The following SMARCAL1 variants were observed in gnomAD, a reference collection of about 807,000 sequenced individuals.
SMARCAL1 encodes SNF2 related chromatin remodeling annealing helicase 1.
In SMARCAL1, 58 loss-of-function variants were observed where a neutral mutation model predicts 94.5. The ratio of observed to expected loss-of-function variants is 0.61; its 90% CI spans 0.50 to 0.76. SMARCAL1 has a LOEUF of 0.76. Among genes scored for constraint, SMARCAL1 ranks in the 30% least tolerant of loss-of-function variants. The probability of loss-of-function intolerance (pLI) is 0.00; values close to 1 mark genes in which losing one functional copy is unlikely to be tolerated. For missense variants in SMARCAL1, 1,051 were observed against 1,177.9 expected (o/e 0.89, Z 1.58); for synonymous variants, 422 against 455.1 (o/e 0.93, Z 0.93).
chr2:216,482,927 A>C lies in SMARCAL1; in HGVS notation c.2815A>C (p.Arg939=). 4 of 1,614,226 alleles carry C rather than the reference A, an allele frequency of 2.5e-6. No homozygotes were observed. Among genetic ancestry groups the C allele is most frequent in the Non-Finnish European group, 3.4e-6 (4 of 1,180,024 alleles). Residue 939 remains arginine (R), a synonymous_variant, in exon 18 of 18, where the codon AGG becomes CGG. Transcript: ENST00000357276. This position sits in a 1 kb window ranked among gnomAD's most constrained non-coding sequence, Gnocchi z 4.3. ...ATTGACAGCCAGTCCACAGAAGAAA[A>C]GGAGATTTGAATTTTTTGATAACTG... ...SSLTASPQKK[R]RFEFFDNWDS...
rs530665453 is a variant in SMARCAL1, at chr2:216,421,902, G to C, written c.1096+1370G>C. 3.3e-5 allele frequency among the ~76,000 whole-genome samples: 5 copies of C among 152,372 alleles called. No homozygotes were observed. The South Asian group carries it at 1.0e-3, about 32-fold the overall frequency. ...CAGGGTTTGGGTTCCGGAGGAGGCT[G>C]ATGCTGGTTGCTACGTCATCATCCT... On this transcript the variant is annotated intron_variant, in intron 5 of 17. Coordinates refer to ENST00000357276, the MANE Select transcript of SMARCAL1 (RefSeq NM_014140.4).
chr2:216,417,634 T>G (rs1693629651), intron 4 of SMARCAL1, among the ~76,000 whole-genome samples: 1 of 152,222 alleles, frequency 6.6e-6, no homozygotes, highest in Admixed American at 6.5e-5. Context: ...GCTGTGTGTT[T>G]AACATGAATT....
intron 12 of SMARCAL1, among the ~76,000 whole-genome samples, chr2:216,464,185 G>A (rs1385646501): frequency 6.6e-6 from 1 of 152,186 alleles, no homozygotes; most frequent in Non-Finnish European, 1.5e-5. Flanking sequence ...AAAGAGGGAA[G>A]CAAAAAGCAA....
intron 13 of SMARCAL1, 147 bp from the exon 14 acceptor site, chr2:216,467,797 C>T (rs1418301686): frequency 1.2e-5 from 8 of 660,850 alleles, no homozygotes; most frequent in Non-Finnish European, 2.2e-5. Flanking sequence ...ATTTAAAACA[C>T]ATTATAATGA....
In SMARCAL1 at chr2:216,440,748, A is replaced by G. The variant is rs572113130; in HGVS notation, c.1710+2263A>G. On this transcript the variant is annotated intron_variant, in intron 10 of 17. Coordinates refer to ENST00000357276, the MANE Select transcript of SMARCAL1 (RefSeq NM_014140.4). The stretch of plus-strand genomic sequence containing the variant: ...TCGTCTAGATTGGAGTCTCTCAACC[A>G]TGGTACTGTTGACATTTTGGGCTGG... Among the ~76,000 whole-genome samples the G allele has an allele frequency of 1.4e-4, 22 of 152,196 alleles. No individual in the cohort carries two copies. The South Asian group carries it at 4.1e-3, about 29-fold the overall frequency.
intron 5 of SMARCAL1, among the ~76,000 whole-genome samples, chr2:216,423,256 G>C (rs1693763743): frequency 6.6e-6 from 1 of 152,334 alleles, no homozygotes; most frequent in East Asian, 1.9e-4. Context: ...ATGAGAGGGT[G>C]CCACTGAGTG....
At chr2:216,422,351 G>C (rs559171523) in intron 5 of SMARCAL1, among the ~76,000 whole-genome samples, 1 of 152,292 alleles carries the variant, frequency 6.6e-6, no homozygotes, top group Admixed American at 6.5e-5. Flanking sequence ...CTGCACTCCA[G>C]CCTGGGTGAC....
chr2:216,435,969 T>C (rs1694073346), intron 9 of SMARCAL1, among the ~76,000 whole-genome samples: 1 of 152,182 alleles, frequency 6.6e-6, no homozygotes, highest in Admixed American at 6.5e-5. Context: ...TGGAGGTTTT[T>C]CTGTGTTGTT....
intron 17 of SMARCAL1, among the ~76,000 whole-genome samples, chr2:216,480,689 A>G (rs1695175821): frequency 6.6e-6 from 1 of 152,154 alleles, no homozygotes; most frequent in Non-Finnish European, 1.5e-5. Flanking sequence ...TGTCATGATC[A>G]ATTTTCAAGG....
intron 1 of SMARCAL1, among the ~76,000 whole-genome samples, chr2:216,413,492 G>A (rs1693512303): frequency 6.6e-6 from 1 of 151,982 alleles, no homozygotes; most frequent in Non-Finnish European, 1.5e-5. Flanking sequence ...TCCTAAATAT[G>A]TGCCATTTTG....
chr2:216,473,814 A>G (rs979369324), intron 14 of SMARCAL1, among the ~76,000 whole-genome samples: 1 of 152,216 alleles, frequency 6.6e-6, no homozygotes, highest in African/African-American at 2.4e-5. Context: ...TGCAGTTACC[A>G]TACAACACAA....
Position 216,467,993 on chromosome 2 carries a change from T to G in SMARCAL1, c.2191T>G (p.Phe731Val). 1.2e-6 allele frequency: 2 copies of G among 1,614,028 alleles called. No homozygotes were observed. The highest frequency in any genetic ancestry group is 1.7e-6 in the Non-Finnish European group (2 of 1,179,884). The change falls in exon 14 of 18, where the codon TTT (phenylalanine) becomes GTT (valine). Residue 731 changes from phenylalanine to valine, a missense_variant. Around this residue, in one of 3 missense-constraint regions of SMARCAL1, gnomAD observed 642 missense variants for 754.7 expected, o/e 0.85. Transcript: ENST00000357276. The part of the protein sequence containing the change: ...LESGREKFLV[F>V]AHHKVVLDAI... ...AAGTGGAAGAGAGAAGTTTTTAGTA[T>G]TTGCACACCATAAGGTGGTCCTGGA...
At chr2:216,423,784 C>T in intron 6 of SMARCAL1, 101 bp downstream of exon 6, 2 of 1,067,638 alleles carry the variant, frequency 1.9e-6, no homozygotes, top group Non-Finnish European at 1.4e-6. Flanking sequence ...CCTCCCTTTG[C>T]TGTGGTGGGA....
chr2:216,417,488 G>A (rs1318822421), intron 4 of SMARCAL1, among the ~76,000 whole-genome samples: 1 of 152,134 alleles, frequency 6.6e-6, no homozygotes, highest in Admixed American at 6.5e-5. Context: ...CTTTGTGTGT[G>A]CAAATCCCTA....
At chr2:216,415,552 T>G (rs775926192) in intron 3 of SMARCAL1, 37 bp downstream of exon 3, 4 of 1,456,016 alleles carry the variant, frequency 2.7e-6, no homozygotes, top group Non-Finnish European at 3.8e-6. Context: ...TTTTTTTTTT[T>G]TCTTATTTTT....
At chr2:216,454,186 T>A (rs184835145) in intron 12 of SMARCAL1, among the ~76,000 whole-genome samples, 107 of 152,354 alleles carry the variant, frequency 7.0e-4, no homozygotes, top group Middle Eastern at 3.4e-3. Context: ...GAACAAAGAA[T>A]GCAGGTTATT....
At chr2:216,435,557 C>A in intron 9 of SMARCAL1, 61 bp downstream of exon 9, 1 of 1,433,680 alleles carries the variant, frequency 7.0e-7, no homozygotes, top group Non-Finnish European at 9.8e-7. Flanking sequence ...TTTGTAAAAG[C>A]TCTGAGAACT....
At chr2:216,448,739 C>T (rs1396217436) in intron 11 of SMARCAL1, among the ~76,000 whole-genome samples, 6 of 151,738 alleles carry the variant, frequency 4.0e-5, no homozygotes, top group Non-Finnish European at 5.9e-5. Flanking sequence ...GGCTGAGGCA[C>T]GAGAATCGCT....
At chr2:216,439,437 A>C (rs1694151866) in intron 10 of SMARCAL1, among the ~76,000 whole-genome samples, 1 of 152,082 alleles carries the variant, frequency 6.6e-6, no homozygotes, top group Admixed American at 6.5e-5. Context: ...ATTACTTTGG[A>C]GGTATCCACT....
Sources: gnomAD v4.1 joint callset for allele counts (sites outside exome capture counted in the v4.1 genomes callset) on GRCh38, gnomAD v4.1.1 for gene constraint, gnomAD v4.1.1 regional missense constraint, Gnocchi (gnomAD v3.1) non-coding constraint, MANE v1.5 for transcripts, NCBI Gene and HGNC (gene_info 2026-07-23, HGNC 2026-07-21) for gene names.